The following NEK11 variants were observed in gnomAD, a reference collection of about 807,000 sequenced individuals.
The protein encoded by NEK11 is serine/threonine-protein kinase Nek11.
NEK11 carries 72 observed loss-of-function variants against 80.7 expected under a neutral mutation model. The ratio of observed to expected loss-of-function variants is 0.89; its 90% CI spans 0.74 to 1.08. The LOEUF (loss-of-function observed/expected upper bound fraction) is 1.08. Among genes scored for constraint, NEK11 ranks in the 50% least tolerant of loss-of-function variants. NEK11 has a pLI of 0.00. For synonymous variants in NEK11, 251 were observed against 260.7 expected, an observed-to-expected ratio of 0.96 and a Z score of 0.36; for missense variants, 764 against 763.6, an observed-to-expected ratio of 1.00 and a Z score of -0.01.
chr3:131,342,187 G>A (rs2097297151), intron 17 of NEK11, among the ~76,000 whole-genome samples: 1 of 152,212 alleles, frequency 6.6e-6, no homozygotes, highest in South Asian at 2.1e-4. Flanking sequence ...TGCTTCTGGA[G>A]AGAGAGCTGT....
chr3:131,152,444 C>G lies in NEK11; in HGVS notation c.704C>G (p.Ser235Cys), dbSNP rs1368525156. Residue 235 changes from serine (S) to cysteine (C), a missense_variant, in exon 8 of 18, where the codon TCC becomes TGC. Ser to Cys is a moderately radical substitution (Grantham distance 112, BLOSUM62 -1). Transcript: ENST00000383366. ...MCCMNHAFAG[S>C]NFLSIVLKIV... ...TGCATGAATCATGCATTCGCTGGCT[C>G]CAATTTCTTATCCATTGTTTTAAAA... is the stretch of plus-strand genomic sequence containing the variant. The G allele has an allele frequency of 6.2e-7, 1 of 1,613,738 alleles. No homozygotes were observed. The highest frequency in any genetic ancestry group is 1.1e-5 in the South Asian group (1 of 91,052).
intron 16 of NEK11, among the ~76,000 whole-genome samples, chr3:131,258,046 T>C (rs1226156662): frequency 6.6e-6 from 1 of 152,116 alleles, no homozygotes; most frequent in Non-Finnish European, 1.5e-5. Flanking sequence ...GGGGCCATTA[T>C]TCTAAGTGAA....
chr3:131,029,250 G>A (rs922339094), intron 2 of NEK11, among the ~76,000 whole-genome samples: 2 of 152,236 alleles, frequency 1.3e-5, no homozygotes, highest in Non-Finnish European at 2.9e-5. Flanking sequence ...TGATGCAGAT[G>A]TATAGATTTA....
intron 14 of NEK11, among the ~76,000 whole-genome samples, chr3:131,225,577 A>G (rs1044071348): frequency 3.3e-5 from 5 of 152,334 alleles, no homozygotes; most frequent in African/African-American, 4.8e-5. Flanking sequence ...TATTTTATAG[A>G]TGAGAAAACT....
intron 14 of NEK11, among the ~76,000 whole-genome samples, chr3:131,178,405 C>G (rs573437704): frequency 6.6e-6 from 1 of 152,336 alleles, no homozygotes; most frequent in Middle Eastern, 3.4e-3. Flanking sequence ...GCTTAAAACA[C>G]AAACACATTG....
intron 3 of NEK11, among the ~76,000 whole-genome samples, chr3:131,043,362 T>C (rs1481045251): frequency 6.6e-6 from 1 of 152,150 alleles, no homozygotes; most frequent in Non-Finnish European, 1.5e-5. Flanking sequence ...TTAGGAACCT[T>C]GATAAAAATT....
At chr3:131,221,115 C>T (rs1044677385) in intron 14 of NEK11, among the ~76,000 whole-genome samples, 6 of 152,144 alleles carry the variant, frequency 3.9e-5, no homozygotes, top group African/African-American at 1.4e-4. Context: ...AAGTCCTTAT[C>T]TCTTAGAGAT....
chr3:131,292,852 G>A (rs895685838), intron 17 of NEK11, among the ~76,000 whole-genome samples: 1 of 151,996 alleles, frequency 6.6e-6, no homozygotes, highest in Non-Finnish European at 1.5e-5. Flanking sequence ...GGGGGGTGCT[G>A]ATGTAAACGG....
chr3:131,251,585 G>A (rs914333424), intron 16 of NEK11, among the ~76,000 whole-genome samples: 16 of 152,038 alleles, frequency 1.1e-4, no homozygotes, highest in African/African-American at 1.4e-4. Flanking sequence ...TTCTGAATAC[G>A]TTAATTAAAT....
At chr3:131,117,870 T>C (rs1389844905) in intron 5 of NEK11, among the ~76,000 whole-genome samples, 1 of 152,210 alleles carries the variant, frequency 6.6e-6, no homozygotes, top group Non-Finnish European at 1.5e-5. Context: ...AAGTAGATTT[T>C]GGGCTGAGAC....
intron 17 of NEK11, among the ~76,000 whole-genome samples, chr3:131,319,351 T>C (rs929926306): frequency 6.6e-6 from 1 of 152,164 alleles, no homozygotes; most frequent in African/African-American, 2.4e-5. Context: ...CAAATAAGCA[T>C]GATTCCTACT....
chr3:131,040,151 C>T (rs928765946), intron 3 of NEK11, among the ~76,000 whole-genome samples: 3 of 151,906 alleles, frequency 2.0e-5, no homozygotes, highest in African/African-American at 4.8e-5. Context: ...ATTTCCATTC[C>T]GTAGTTTAAC....
chr3:131,188,386 C>T (rs1188952685), intron 14 of NEK11, among the ~76,000 whole-genome samples: 2 of 152,136 alleles, frequency 1.3e-5, no homozygotes, highest in African/African-American at 4.8e-5. Context: ...TACTTTTGCA[C>T]TAACCTAGTA....
chr3:131,199,370 C>T (rs2094144819), intron 14 of NEK11, among the ~76,000 whole-genome samples: 1 of 151,840 alleles, frequency 6.6e-6, no homozygotes, highest in South Asian at 2.1e-4. Context: ...AAAAATAAAA[C>T]TATAATATAT....
At chr3:131,102,927 T>C (rs1268832037) in intron 4 of NEK11, among the ~76,000 whole-genome samples, 1 of 152,252 alleles carries the variant, frequency 6.6e-6, no homozygotes, top group Non-Finnish European at 1.5e-5. Flanking sequence ...GTCTTTGAGC[T>C]CTGAGATTCT....
chr3:131,220,476 T>C (rs1026781790), intron 14 of NEK11, among the ~76,000 whole-genome samples: 1 of 152,158 alleles, frequency 6.6e-6, no homozygotes, highest in Non-Finnish European at 1.5e-5. Context: ...GCACTGCCAC[T>C]CCCAATTTGT....
chr3:131,300,059 A>G (rs552056196), intron 17 of NEK11, among the ~76,000 whole-genome samples: 5 of 152,242 alleles, frequency 3.3e-5, no homozygotes, highest in African/African-American at 9.6e-5. Context: ...TGACTTTTTA[A>G]TAATAGCCAT....
intron 16 of NEK11, among the ~76,000 whole-genome samples, chr3:131,253,349 A>G (rs2095744469): frequency 6.6e-6 from 1 of 152,140 alleles, no homozygotes. Flanking sequence ...CCAGACATGA[A>G]CAGGATATTA....
intron 3 of NEK11, among the ~76,000 whole-genome samples, chr3:131,057,731 G>A (rs1239759127): frequency 2.0e-5 from 3 of 151,160 alleles, no homozygotes; most frequent in African/African-American, 4.9e-5. Context: ...TTTTTGATGG[G>A]GTTGTTTGTT....
Sources: gnomAD v4.1 joint callset for allele counts (sites outside exome capture counted in the v4.1 genomes callset) on GRCh38, gnomAD v4.1.1 for gene constraint, MANE v1.5 for transcripts, NCBI Gene and HGNC (gene_info 2026-07-23, HGNC 2026-07-21) for gene names.